The following ARHGEF12 variants were observed in gnomAD, a reference collection of about 807,000 sequenced individuals.
The protein encoded by ARHGEF12 is KMT2A/ARHGEF12 fusion protein.
Under a neutral mutation model 211.2 loss-of-function variants are expected in ARHGEF12, and 66 were observed. The observed-to-expected ratio is 0.31, with a 90% CI of 0.26 to 0.38. ARHGEF12 has a LOEUF of 0.38. ARHGEF12 is among the 10% of genes least tolerant of loss of function. ARHGEF12 has a pLI of 1.00. For synonymous variants in ARHGEF12, 592 were observed against 638.4 expected (o/e 0.93, Z 1.09); for missense variants, 1,429 against 1,869.5 (o/e 0.76, Z 4.34).
intron 29 of ARHGEF12, among the ~76,000 whole-genome samples, chr11:120,468,417 T>C (rs1318832832): frequency 6.6e-6 from 1 of 152,240 alleles, no homozygotes; most frequent in African/African-American, 2.4e-5. Context: ...AGACATGACA[T>C]AGCCTCAATA....
At chr11:120,454,409 A>T (rs1946302896) in intron 22 of ARHGEF12, among the ~76,000 whole-genome samples, 1 of 152,220 alleles carries the variant, frequency 6.6e-6, no homozygotes, top group Non-Finnish European at 1.5e-5. Flanking sequence ...GACATTAAAG[A>T]AGTTATTATC....
chr11:120,358,708 T>C (rs975141961), intron 1 of ARHGEF12, among the ~76,000 whole-genome samples: 1 of 152,190 alleles, frequency 6.6e-6, no homozygotes, highest in African/African-American at 2.4e-5. Context: ...ATGAAGCCAG[T>C]GGCTACAGTA....
chr11:120,374,007 G>A (rs1184537347), intron 1 of ARHGEF12, among the ~76,000 whole-genome samples: 2 of 152,042 alleles, frequency 1.3e-5, no homozygotes, highest in African/African-American at 4.8e-5. Flanking sequence ...AGGTTTCTCC[G>A]TGTTAGTCAG....
intron 1 of ARHGEF12, 173 bp from the exon 2 acceptor site, chr11:120,405,944 AG>A (rs1712986938): frequency 1.9e-6 from 1 of 525,266 alleles, no homozygotes; most frequent in African/African-American, 2.0e-5. Context: ...AAAGTAGTTA[AG>A]ATACTTAAAC....
chr11:120,487,230 C>G lies in ARHGEF12; in HGVS notation c.*2153C>G, dbSNP rs1947420565. ...TAGCAAAATTTCAGTTTCTCTAGTTCAGCCAGTGTCTTGTCCTTAGTAATT... is the reference window on the plus strand; with the variant it reads ...TAGCAAAATTTCAGTTTCTCTAGTTGAGCCAGTGTCTTGTCCTTAGTAATT... On this transcript the variant is annotated 3_prime_UTR_variant, in exon 41 of 41. Transcript: ENST00000397843. 4.6e-6 allele frequency: 1 copy of G among 218,214 alleles called. No individual in the cohort carries two copies. Among genetic ancestry groups the G allele is most frequent in the Admixed American group, 5.8e-5 (1 of 17,278 alleles). The allele number at this position is 218,214 out of a possible 1,614,324, so 13.5% of individuals were successfully genotyped here.
At chr11:120,411,980 G>T (rs1213912144) in intron 4 of ARHGEF12, 1 of 152,082 alleles carries the variant, frequency 6.6e-6, no homozygotes, top group Non-Finnish European at 1.5e-5. Context: ...TTGTGAACTA[G>T]ATTTACTTTG....
chr11:120,456,089 C>T lies in ARHGEF12; in HGVS notation c.2057-1029C>T, dbSNP rs576178472. Among the ~76,000 whole-genome samples the T allele has an allele frequency of 5.6e-4, 85 of 152,174 alleles. 1 individual carries two copies. The highest frequency in any genetic ancestry group is 2.0e-3 in the African/African-American group (82 of 41,530). On this transcript the variant is annotated intron_variant, in intron 22 of 40. Transcript: ENST00000397843. ...ATGATGTATATATGTATGTAGTAGA[C>T]GACAGTATATATATGTCATAAGCAT...
chr11:120,400,190 CTTGA>C (rs1038034333), intron 1 of ARHGEF12, among the ~76,000 whole-genome samples: 1 of 151,944 alleles, frequency 6.6e-6, no homozygotes, highest in Non-Finnish European at 1.5e-5. Context: ...AATGCCCATC[CTTGA>C]TTAAGGGGAT....
intron 4 of ARHGEF12, among the ~76,000 whole-genome samples, chr11:120,416,624 C>T (rs1439465635): frequency 1.3e-5 from 2 of 152,106 alleles, no homozygotes; most frequent in Non-Finnish European, 2.9e-5. Flanking sequence ...TCCTTGTTTG[C>T]TAAAAAACAA....
intron 13 of ARHGEF12, among the ~76,000 whole-genome samples, 164 bp from the exon 14 acceptor site, chr11:120,441,543 T>A (rs1235044694): frequency 6.6e-6 from 1 of 152,224 alleles, no homozygotes; most frequent in Non-Finnish European, 1.5e-5. Flanking sequence ...CAGAAAGAGA[T>A]TCCATAGCTT....
intron 1 of ARHGEF12, among the ~76,000 whole-genome samples, chr11:120,361,225 A>G (rs954677633): frequency 6.6e-6 from 1 of 152,196 alleles, no homozygotes; most frequent in Non-Finnish European, 1.5e-5. Flanking sequence ...TGCCAGGGCG[A>G]AAGAGCATTA....
intron 23 of ARHGEF12, 173 bp from the exon 24 acceptor site, chr11:120,457,548 A>G (rs1406881733): frequency 4.2e-6 from 2 of 471,560 alleles, no homozygotes; most frequent in African/African-American, 4.0e-5. Flanking sequence ...TCATAACTGA[A>G]ATGTAGAAAG....
intron 36 of ARHGEF12, among the ~76,000 whole-genome samples, chr11:120,477,897 T>G (rs896870790): frequency 1.8e-4 from 24 of 136,668 alleles, no homozygotes; most frequent in Admixed American, 4.9e-4. Flanking sequence ...AAAAAGAAAA[T>G]AAAATAAAAT....
At chr11:120,385,893 T>G (rs1408151973) in intron 1 of ARHGEF12, among the ~76,000 whole-genome samples, 1 of 152,152 alleles carries the variant, frequency 6.6e-6, no homozygotes, top group Non-Finnish European at 1.5e-5. Context: ...TTTAATTATC[T>G]CATGCTTCAG....
intron 1 of ARHGEF12, among the ~76,000 whole-genome samples, chr11:120,393,385 C>T (rs1944279844): frequency 6.6e-6 from 1 of 152,078 alleles, no homozygotes; most frequent in Non-Finnish European, 1.5e-5. Flanking sequence ...AATGTATAGA[C>T]TATCAGATTA....
intron 1 of ARHGEF12, among the ~76,000 whole-genome samples, chr11:120,340,130 C>T (rs1375262885): frequency 1.3e-5 from 2 of 152,172 alleles, no homozygotes; most frequent in African/African-American, 4.8e-5. Context: ...GCTTTTTAGT[C>T]TGCATTGATT....
intron 1 of ARHGEF12, among the ~76,000 whole-genome samples, chr11:120,403,274 A>G (rs1944593850): frequency 6.6e-6 from 1 of 152,210 alleles, no homozygotes; most frequent in African/African-American, 2.4e-5. Context: ...TGGGAGGCCA[A>G]GGCAGGCTGA....
chr11:120,348,470 G>C (rs1243666828), intron 1 of ARHGEF12, among the ~76,000 whole-genome samples: 1 of 152,120 alleles, frequency 6.6e-6, no homozygotes, highest in African/African-American at 2.4e-5. Context: ...TGTGCCACAG[G>C]TGGAAAATTC....
In ARHGEF12 at chr11:120,421,788, T is replaced by G. The variant is rs929100615; in HGVS notation, c.299-15T>G. On this transcript the variant is annotated splice_polypyrimidine_tract_variant and intron_variant, in intron 5 of 40. Coordinates refer to ENST00000397843, the MANE Select transcript of ARHGEF12 (RefSeq NM_015313.3). ...GCAAATGAATCACATTTTAAGCAAT[T>G]AATTTCTCATACAGATGGAGCAGCC... The G allele has an allele frequency of 6.2e-7, 1 of 1,609,130 alleles. No homozygotes were observed. The highest frequency in any genetic ancestry group is 2.2e-5 in the East Asian group (1 of 44,654).
Sources: allele counts gnomAD v4.1 joint callset (sites outside exome capture counted in the v4.1 genomes callset), GRCh38; gene constraint gnomAD v4.1.1; transcripts MANE v1.5; gene names NCBI Gene and HGNC (gene_info 2026-07-23, HGNC 2026-07-21).